The following ITPRIP variants were observed in gnomAD, a reference collection of about 807,000 sequenced individuals.
The protein encoded by ITPRIP is inositol 1,4,5-trisphosphate receptor interacting protein, also known as inositol 1,4,5-trisphosphate receptor-interacting protein.
In ITPRIP, 32 loss-of-function variants were observed where a neutral mutation model predicts 35.8. That is an observed-to-expected ratio of 0.89 (90% CI 0.68 to 1.20). The LOEUF (loss-of-function observed/expected upper bound fraction) is 1.20. Among genes scored for constraint, ITPRIP ranks in the 50% most tolerant of loss-of-function variants. The pLI, the probability that ITPRIP is intolerant of heterozygous loss-of-function variation, is 0.00. For synonymous variants in ITPRIP, 358 were observed against 324.0 expected, an observed-to-expected ratio of 1.11 and a Z score of -1.13; for missense variants, 653 against 735.6, an observed-to-expected ratio of 0.89 and a Z score of 1.30.
At chr10:104,337,486 C>CT (rs1554909055) in intron 1 of ITPRIP, among the ~76,000 whole-genome samples, 29 of 151,232 alleles carry the variant, frequency 1.9e-4, no homozygotes, top group Admixed American at 6.6e-4. Flanking sequence ...TGGTCGGTGG[C>CT]TTTTTTTTTC....
intron 1 of ITPRIP, among the ~76,000 whole-genome samples, chr10:104,321,703 C>CTTTTTTTTTT (rs111255254): frequency 7.3e-6 from 1 of 137,346 alleles, no homozygotes; most frequent in East Asian, 2.1e-4. Context: ...CTTTTCTTTT[C>CTTTTTTTTTT]TTTTTTTTTT....
rs1013578787 is a variant in ITPRIP at position 104,328,941 on chromosome 10, C to T, written c.-14+9305G>A. ...AGACTGTTCTTCTACCCGAGTCCCC[C>T]TGCGGCTTAGGCGGTACCTGACACA... On this transcript the variant is annotated intron_variant, in intron 1 of 1. Transcript: ENST00000337478. This position sits in a 1 kb window ranked among gnomAD's most constrained non-coding sequence, Gnocchi z 4.1. 9.2e-5 allele frequency: 14 copies of T among 152,304 alleles called. No homozygotes were observed. Among genetic ancestry groups the T allele is most frequent in the African/African-American group, 3.4e-4 (14 of 41,520 alleles). The allele number at this position is 152,304 out of a possible 1,614,324, so 9.4% of individuals were successfully genotyped here. A position where few individuals can be genotyped will look rare whatever the true frequency, so the allele number is the denominator to read the frequency against.
rs1322589782 is a variant in ITPRIP, at chr10:104,315,151, T to C, written c.901A>G (p.Met301Val). The C allele has an allele frequency of 1.9e-6, 3 of 1,614,020 alleles. No individual in the cohort carries two copies. The Admixed American group carries it at 5.0e-5, about 27-fold the overall frequency. ...DSLYLDTMQVMKWFQTALTRA... is the reference protein window; with the variant it reads ...DSLYLDTMQVVKWFQTALTRA... ...GTGAGGGCCGTCTGGAACCACTTCATGACCTGCATCGTGTCCAGGTACAGG... is the reference window on the plus strand; with the variant it reads ...GTGAGGGCCGTCTGGAACCACTTCACGACCTGCATCGTGTCCAGGTACAGG... Residue 301 changes from methionine (M) to valine (V), a missense_variant, in exon 2 of 2, where the codon ATG (methionine) becomes GTG (valine). By Grantham distance (21) the Met-to-Val change is conservative (BLOSUM62 1). Transcript: ENST00000337478. This position sits in a 1 kb window ranked among gnomAD's most constrained non-coding sequence, Gnocchi z 5.7.
intron 1 of ITPRIP, among the ~76,000 whole-genome samples, chr10:104,331,364 C>T (rs1432854915): frequency 6.6e-6 from 1 of 152,250 alleles, no homozygotes; most frequent in East Asian, 1.9e-4. Context: ...CCCCCGGCTG[C>T]TGCTAAGAGG....
chr10:104,322,962 C>T (rs1001931973), intron 1 of ITPRIP, among the ~76,000 whole-genome samples: 5 of 151,974 alleles, frequency 3.3e-5, no homozygotes, highest in African/African-American at 1.2e-4. Flanking sequence ...TGCAGTTTCT[C>T]AGCCCCAGCT....
At position 104,315,802 on chromosome 10, in the gene ITPRIP, C is replaced by T. The variant is rs751175958; in HGVS notation, c.250G>A (p.Val84Met). 9.3e-6 allele frequency: 15 copies of T among 1,613,680 alleles called. No homozygotes were observed. In the African/African-American group the frequency reaches 9.3e-5, roughly 10 times the overall value. ...AGGGTGCTCCAGAGGTCCCAGGCCA[C>T]GCGTGTCTCGTTCTGCTGCCTGCCC... ...EEGRQQNETRVAWDLWSTLCM... is the reference protein window; with the variant it reads ...EEGRQQNETRMAWDLWSTLCM... The change falls in exon 2 of 2, where the codon GTG becomes ATG. Residue 84 changes from valine (V) to methionine (M), a missense_variant. Physicochemically the swap from Val to Met is conservative, Grantham distance 21. Transcript: ENST00000337478. This position sits in a 1 kb window ranked among gnomAD's most constrained non-coding sequence, Gnocchi z 5.7.
rs1407472559 is a variant in ITPRIP at position 104,313,755 on chromosome 10, G to T, written c.*653C>A. 1.0e-6 allele frequency: 1 copy of T among 985,526 alleles called. No individual in the cohort carries two copies. Among genetic ancestry groups the T allele is most frequent in the Non-Finnish European group, 1.2e-6 (1 of 830,022 alleles). 61.0% of individuals were successfully genotyped at this position (985,526 alleles called of 1,614,324 possible). On this transcript the variant is annotated 3_prime_UTR_variant, in exon 2 of 2. Coordinates refer to ENST00000337478, the MANE Select transcript of ITPRIP (RefSeq NM_001272013.2). ...AGTGTAGCTGAAAAAGTGGCTAATT[G>T]TGTTTCTCTATGCCACCAAGTACCC...
Position 104,315,667 on chromosome 10 carries a change from C to A in ITPRIP, c.385G>T (p.Ala129Ser). 6.2e-7 allele frequency: 1 copy of A among 1,612,322 alleles called. No individual in the cohort carries two copies. Among genetic ancestry groups the A allele is most frequent in the Non-Finnish European group, 8.5e-7 (1 of 1,179,808 alleles). ...EEDELPGLGG[A>S]PLQGLTLPNK... ...GGCAGGGTGAGGCCCTGCAAGGGGG[C>A]GCCCCCCAGCCCAGGCAGCTCATCC... The change falls in exon 2 of 2, where the codon GCC (alanine) becomes TCC (serine). Residue 129 changes from alanine (A) to serine (S), a missense_variant. Transcript: ENST00000337478. This position sits in a 1 kb window ranked among gnomAD's most constrained non-coding sequence, Gnocchi z 5.7.
At position 104,310,714 on chromosome 10, in the gene ITPRIP, C is replaced by T. The variant is rs2013465524; in HGVS notation, c.*3694G>A. 1.3e-5 allele frequency: 2 copies of T among 152,238 alleles called. No homozygotes were observed. The highest frequency in any genetic ancestry group is 1.3e-4 in the Admixed American group (2 of 15,286). 9.4% of individuals were successfully genotyped at this position (152,238 alleles called of 1,614,324 possible). A position where few individuals can be genotyped will look rare whatever the true frequency, so the allele number is the denominator to read the frequency against. ...TGCCATACAGTAGGTGCTTCCCACCCTCACTCCATGCTTCTGGCTGGAATG... is the reference window on the plus strand; with the variant it reads ...TGCCATACAGTAGGTGCTTCCCACCTTCACTCCATGCTTCTGGCTGGAATG... On this transcript the variant is annotated 3_prime_UTR_variant, in exon 2 of 2. Transcript: ENST00000337478.
At chr10:104,332,802 T>C (rs527651543) in intron 1 of ITPRIP, among the ~76,000 whole-genome samples, 4 of 152,296 alleles carry the variant, frequency 2.6e-5, no homozygotes, top group Admixed American at 1.3e-4. Context: ...GTTTAACCCA[T>C]CTAGAATTCC....
At position 104,328,404 on chromosome 10, in the gene ITPRIP, T is replaced by C; in HGVS notation, c.-14+9842A>G. On this transcript the variant is annotated intron_variant, in intron 1 of 1. Coordinates refer to ENST00000337478, the MANE Select transcript of ITPRIP (RefSeq NM_001272013.2). This position sits in a 1 kb window ranked among gnomAD's most constrained non-coding sequence, Gnocchi z 4.1. ...CCAAGAGTCGTCCCCTTTCTCTCTC[T>C]CCACCCCATGATCTACACACCCCCT... The C allele has an allele frequency of 2.2e-6, 1 of 451,636 alleles. No individual in the cohort carries two copies. The highest frequency in any genetic ancestry group is 2.8e-6 in the Non-Finnish European group (1 of 355,150). 28.0% of individuals were successfully genotyped at this position (451,636 alleles called of 1,614,324 possible). A position where few individuals can be genotyped will look rare whatever the true frequency, so the allele number is the denominator to read the frequency against.
Position 104,314,253 on chromosome 10 carries a change from C to A in ITPRIP, c.*155G>T. The A allele has an allele frequency of 6.8e-7, 1 of 1,469,122 alleles. No individual in the cohort carries two copies. The highest frequency in any genetic ancestry group is 1.4e-5 in the African/African-American group (1 of 70,790). The allele number at this position is 1,469,122 out of a possible 1,614,324, so 91.0% of individuals were successfully genotyped here. On this transcript the variant is annotated 3_prime_UTR_variant, in exon 2 of 2. Transcript: ENST00000337478. ...CAGCTTCCCGTTGAAATTCTGTTTC[C>A]TCTGCACTGTAGGGCTTGGCTTCCT...
intron 1 of ITPRIP, among the ~76,000 whole-genome samples, chr10:104,325,332 C>T (rs761994082): frequency 1.3e-5 from 2 of 152,190 alleles, no homozygotes; most frequent in Admixed American, 6.5e-5. Flanking sequence ...CCAGGACTCT[C>T]CTTACTCCTA....
At chr10:104,336,760 A>G (rs768848200) in intron 1 of ITPRIP, among the ~76,000 whole-genome samples, 27 of 152,220 alleles carry the variant, frequency 1.8e-4, no homozygotes, top group Admixed American at 3.9e-4. Context: ...GTGAAAGGAA[A>G]ATACAACCTT....
intron 1 of ITPRIP, among the ~76,000 whole-genome samples, chr10:104,325,490 A>AG (rs2013976843): frequency 6.6e-6 from 1 of 152,226 alleles, no homozygotes; most frequent in East Asian, 1.9e-4. Context: ...AATAATCCTA[A>AG]CCAGCACTTA....
chr10:104,332,440 C>T (rs1054257307), intron 1 of ITPRIP, among the ~76,000 whole-genome samples: 1 of 152,198 alleles, frequency 6.6e-6, no homozygotes, highest in African/African-American at 2.4e-5. Flanking sequence ...AATCAGGTGC[C>T]TTCAAGTGGA....
At chr10:104,322,931 T>C (rs1297322994) in intron 1 of ITPRIP, among the ~76,000 whole-genome samples, 3 of 152,188 alleles carry the variant, frequency 2.0e-5, no homozygotes, top group Non-Finnish European at 4.4e-5. Flanking sequence ...GCTGAACTCC[T>C]TCTGTATCCT....
chr10:104,315,095 G>C lies in ITPRIP; in HGVS notation c.957C>G (p.Tyr319Ter), dbSNP rs986998463. 4 of 1,614,166 alleles carry C rather than the reference G, an allele frequency of 2.5e-6. No homozygotes were observed. Among genetic ancestry groups the C allele is most frequent in the Admixed American group, 1.7e-5 (1 of 60,026 alleles). ...TRAWKGIAHK[Y>*]EFDLAFGQLD... ...GCTGGCCAAAGGCCAGGTCGAACTC[G>C]TACTTGTGGGCGATGCCCTTCCAGG... Residue 319 changes from tyrosine to a stop codon, truncating the protein, a stop_gained, in exon 2 of 2, where the codon TAC becomes TAG. Transcript: ENST00000337478. LOFTEE classifies it high-confidence loss of function. This position sits in a 1 kb window ranked among gnomAD's most constrained non-coding sequence, Gnocchi z 5.7.
rs771050495 is a variant in ITPRIP at position 104,314,902 on chromosome 10, AG to A, written c.1149del (p.Phe384LeufsTer13). 6.2e-7 allele frequency: 1 copy of A among 1,613,700 alleles called. No individual in the cohort carries two copies. The highest frequency in any genetic ancestry group is 8.5e-7 in the Non-Finnish European group (1 of 1,180,030). ...TPASSTDWLL[S>X]FAVYERHFLR... ...AGGAAGTGTCGCTCATAGACAGCAA[AG>A]GACAGGAGCCAGTCTGTGCTGGAGG... On this transcript the variant is annotated frameshift_variant, in exon 2 of 2. Transcript: ENST00000337478. LOFTEE classifies it high-confidence loss of function.
Sources: allele counts gnomAD v4.1 joint callset (sites outside exome capture counted in the v4.1 genomes callset), GRCh38; gene constraint gnomAD v4.1.1; non-coding constraint Gnocchi (gnomAD v3.1); transcripts MANE v1.5; gene names NCBI Gene and HGNC (gene_info 2026-07-23, HGNC 2026-07-21).